FTO: variants seen among roughly 807,000 people sequenced by gnomAD.
FTO encodes FTO alpha-ketoglutarate dependent dioxygenase, also known as alpha-ketoglutarate-dependent dioxygenase FTO.
Under a neutral mutation model 63.9 loss-of-function variants are expected in FTO, and 47 were observed. The observed-to-expected ratio is 0.74, with a 90% CI of 0.58 to 0.94. The LOEUF (loss-of-function observed/expected upper bound fraction) is 0.94, where lower values mean the gene tolerates loss of function less well. FTO is among the 40% of genes least tolerant of loss of function. The pLI, the probability that FTO is intolerant of heterozygous loss-of-function variation, is 0.00. For missense variants in FTO, 562 were observed against 618.1 expected (o/e 0.91, Z 0.96); for synonymous variants, 207 against 224.4 (o/e 0.92, Z 0.69).
At chr16:54,106,329 G>A (rs1180447524) in intron 8 of FTO, among the ~76,000 whole-genome samples, 1 of 151,768 alleles carries the variant, frequency 6.6e-6, no homozygotes, top group African/African-American at 2.4e-5. Flanking sequence ...TTCCTGTTAC[G>A]TCACTAGGTC....
chr16:54,113,790 C>A lies in FTO; in HGVS notation c.*1875C>A, dbSNP rs1345688100. 1 of 148,398 alleles carries A rather than the reference C, an allele frequency of 6.7e-6. No individual in the cohort carries two copies. The highest frequency in any genetic ancestry group is 1.5e-5 in the Non-Finnish European group (1 of 67,554). 9.2% of individuals were successfully genotyped at this position (148,398 alleles called of 1,614,324 possible). ...GAGATTTCACATAAAATTAAAAGGTCTGCATTTTCTTTTTTCTTTTCTTTT... is the reference window on the plus strand; with the variant it reads ...GAGATTTCACATAAAATTAAAAGGTATGCATTTTCTTTTTTCTTTTCTTTT... On this transcript the variant is annotated 3_prime_UTR_variant, in exon 9 of 9. Transcript: ENST00000471389.
chr16:54,005,625 A>G (rs1490088816), intron 8 of FTO, among the ~76,000 whole-genome samples: 3 of 152,196 alleles, frequency 2.0e-5, no homozygotes, highest in South Asian at 2.1e-4. Context: ...TAGCATGCCA[A>G]GCTTACCCAA....
intron 8 of FTO, among the ~76,000 whole-genome samples, chr16:54,035,301 T>C (rs2084919354): frequency 6.6e-6 from 1 of 152,196 alleles, no homozygotes; most frequent in African/African-American, 2.4e-5. Flanking sequence ...CCTACGAGGC[T>C]CCTTCTTCAT....
chr16:54,072,821 C>T (rs899857072), intron 8 of FTO, among the ~76,000 whole-genome samples: 6 of 152,142 alleles, frequency 3.9e-5, no homozygotes, highest in Non-Finnish European at 7.4e-5. Flanking sequence ...CCCTCTGACT[C>T]GGTCAGAAAG....
At chr16:53,981,254 G>A (rs1311214281) in intron 8 of FTO, 1 of 152,452 alleles carries the variant, frequency 6.6e-6, no homozygotes, top group Non-Finnish European at 1.5e-5. Flanking sequence ...GAACCCAGGA[G>A]GTTGAAGCTG....
intron 8 of FTO, among the ~76,000 whole-genome samples, chr16:53,968,807 G>A (rs1270882733): frequency 1.3e-5 from 2 of 152,098 alleles, no homozygotes; most frequent in African/African-American, 4.8e-5. Flanking sequence ...TGTCCTGGTG[G>A]GATGTTTTCA....
chr16:53,950,538 A>G (rs1050847786), intron 8 of FTO, among the ~76,000 whole-genome samples: 2 of 152,248 alleles, frequency 1.3e-5, no homozygotes, highest in African/African-American at 4.8e-5. Flanking sequence ...AATAAACAGA[A>G]CAAATTACAA....
intron 8 of FTO, among the ~76,000 whole-genome samples, chr16:53,934,755 G>A (rs1193212560): frequency 1.3e-5 from 2 of 152,178 alleles, no homozygotes; most frequent in East Asian, 3.9e-4. Context: ...TATAGAAAAG[G>A]TACTATAAAA....
At chr16:54,012,831 GAAAA>G (rs374710361) in intron 8 of FTO, among the ~76,000 whole-genome samples, 6,073 of 139,924 alleles carry the variant, frequency 0.043, 176 homozygotes, top group South Asian at 0.15. Flanking sequence ...CTCCTTCTCA[GAAAA>G]AAAAAAAAAG....
intron 8 of FTO, among the ~76,000 whole-genome samples, chr16:54,030,502 G>A (rs117117475): frequency 0.031 from 4,689 of 152,244 alleles, 123 homozygotes; most frequent in Middle Eastern, 0.12. Context: ...GACAATTTGA[G>A]TGTTCTCTTT....
chr16:54,030,730 T>C (rs1039637786), intron 8 of FTO, among the ~76,000 whole-genome samples: 1 of 152,174 alleles, frequency 6.6e-6, no homozygotes, highest in African/African-American at 2.4e-5. Context: ...GAGAGTATAC[T>C]ATCTGTTAGG....
intron 1 of FTO, among the ~76,000 whole-genome samples, chr16:53,745,956 G>T (rs185110118): frequency 9.0e-5 from 12 of 132,910 alleles, no homozygotes; most frequent in African/African-American, 3.7e-4. Context: ...TGCTTGGGTG[G>T]TTATATACTT....
intron 1 of FTO, among the ~76,000 whole-genome samples, chr16:53,759,012 A>G (rs1022242571): frequency 6.6e-6 from 1 of 152,192 alleles, no homozygotes; most frequent in Non-Finnish European, 1.5e-5. Flanking sequence ...AAAAAAGGAT[A>G]GAGTCGTGTG....
chr16:54,014,764 C>G (rs568038926), intron 8 of FTO, among the ~76,000 whole-genome samples: 97 of 151,806 alleles, frequency 6.4e-4, no homozygotes, highest in Admixed American at 2.9e-3. Context: ...TTTAGCTTGC[C>G]TGAAGTGTGT....
At chr16:54,053,968 T>C (rs928702486) in intron 8 of FTO, among the ~76,000 whole-genome samples, 1 of 152,156 alleles carries the variant, frequency 6.6e-6, no homozygotes, top group Non-Finnish European at 1.5e-5. Context: ...AGGTTCTCTT[T>C]TGGCTCCTGC....
chr16:54,098,082 C>T (rs1198331213), intron 8 of FTO, among the ~76,000 whole-genome samples: 9 of 152,114 alleles, frequency 5.9e-5, no homozygotes, highest in African/African-American at 2.2e-4. Context: ...GGCAGAGAAT[C>T]GGGGTCAGGA....
rs1450398289 is a variant in FTO, at chr16:54,115,748, T to A, written c.*3833T>A. Reference sequence around the variant, plus strand: ...ACACACCCCAGGAAGCATGAGAGGGTTTCAAGCAGCAAGGGCATGGAAGTA... The same window carrying A: ...ACACACCCCAGGAAGCATGAGAGGGATTCAAGCAGCAAGGGCATGGAAGTA... On this transcript the variant is annotated 3_prime_UTR_variant, in exon 9 of 9. Transcript: ENST00000471389. 2 of 150,544 alleles carry A rather than the reference T, an allele frequency of 1.3e-5. No individual in the cohort carries two copies. The highest frequency in any genetic ancestry group is 6.6e-5 in the Admixed American group (1 of 15,064). 9.3% of individuals were successfully genotyped at this position (150,544 alleles called of 1,614,324 possible).
chr16:53,878,832 T>A (rs1408461057), intron 5 of FTO, among the ~76,000 whole-genome samples: 1 of 152,244 alleles, frequency 6.6e-6, no homozygotes, highest in Non-Finnish European at 1.5e-5. Context: ...ACTAGTTATC[T>A]GTGTCCTTGC....
chr16:54,100,799 C>T (rs80344832), intron 8 of FTO, among the ~76,000 whole-genome samples: 1 of 152,224 alleles, frequency 6.6e-6, no homozygotes, highest in East Asian at 1.9e-4. Flanking sequence ...CCTACAGGGG[C>T]GGTTTTGAGA....
Sources: gnomAD v4.1 joint callset for allele counts (sites outside exome capture counted in the v4.1 genomes callset) on GRCh38, gnomAD v4.1.1 for gene constraint, MANE v1.5 for transcripts, NCBI Gene and HGNC (gene_info 2026-07-23, HGNC 2026-07-21) for gene names.